Variants in PRKN observed in about 807,000 individuals in gnomAD.
PRKN encodes the protein parkin RBR E3 ubiquitin protein ligase, also known as E3 ubiquitin-protein ligase parkin.
A neutral mutation model predicts 59.5 loss-of-function variants in PRKN; 56 were observed. The ratio of observed to expected loss-of-function variants is 0.94; its 90% CI spans 0.76 to 1.18. The LOEUF is 1.18. Ranked by LOEUF, PRKN falls within the 50% of genes most tolerant of loss-of-function variation. The probability of loss-of-function intolerance (pLI) is 0.00; values close to 1 mark genes in which losing one functional copy is unlikely to be tolerated. For synonymous variants in PRKN, 250 were observed against 222.1 expected (o/e 1.13, Z -1.12); for missense variants, 657 against 596.4 (o/e 1.10, Z -1.06).
intron 2 of PRKN, among the ~76,000 whole-genome samples, chr6:162,301,778 C>CGGGGGGGG (rs71544928): frequency 6.4e-5 from 4 of 62,890 alleles, no homozygotes; most frequent in East Asian, 2.9e-4. Flanking sequence ...ATAAATTGGC[C>CGGGGGGGG]GGGGCGGGGG....
chr6:161,848,967 G>C (rs2128222018), intron 6 of PRKN, among the ~76,000 whole-genome samples: 1 of 152,252 alleles, frequency 6.6e-6, no homozygotes, highest in Non-Finnish European at 1.5e-5. Context: ...TTAACAGGCA[G>C]GGACTGGTTT....
At chr6:162,064,152 G>A (rs549120242) in intron 4 of PRKN, among the ~76,000 whole-genome samples, 16 of 152,164 alleles carry the variant, frequency 1.1e-4, no homozygotes, top group Non-Finnish European at 1.6e-4. Context: ...ACCAAAAGGA[G>A]CTGGCCATAG....
chr6:161,704,906 T>C (rs963290272), intron 7 of PRKN, among the ~76,000 whole-genome samples: 2 of 152,204 alleles, frequency 1.3e-5, no homozygotes, highest in Non-Finnish European at 2.9e-5. Context: ...ATATGTGCTT[T>C]AGAATCTACA....
At chr6:161,678,689 C>T (rs574228528) in intron 7 of PRKN, among the ~76,000 whole-genome samples, 103 of 151,440 alleles carry the variant, frequency 6.8e-4, no homozygotes, top group Non-Finnish European at 1.4e-3. Context: ...CTCAACCTCC[C>T]GAGTAGCTGG....
At chr6:161,851,090 A>G (rs1364214558) in intron 6 of PRKN, among the ~76,000 whole-genome samples, 1 of 152,214 alleles carries the variant, frequency 6.6e-6, no homozygotes, top group African/African-American at 2.4e-5. Context: ...CCCTGATGCA[A>G]CAATGTTGAG....
chr6:161,732,503 G>A (rs1263056186), intron 7 of PRKN, among the ~76,000 whole-genome samples: 1 of 151,380 alleles, frequency 6.6e-6, no homozygotes, highest in East Asian at 1.9e-4. Flanking sequence ...GTGTGTGTGT[G>A]GAGATAATTC....
chr6:161,761,284 C>A, intron 7 of PRKN, among the ~76,000 whole-genome samples: 1 of 152,146 alleles, frequency 6.6e-6, no homozygotes, highest in African/African-American at 2.4e-5. Flanking sequence ...CTTTGTATTT[C>A]TATGACTAGC....
At chr6:162,026,924 G>A (rs1259827968) in intron 5 of PRKN, among the ~76,000 whole-genome samples, 7 of 152,100 alleles carry the variant, frequency 4.6e-5, no homozygotes. Context: ...TATGTGTAAT[G>A]GACTGTACTT....
rs1018404995 is a variant in PRKN, at chr6:162,056,198, T to C, written c.535-2024A>G. 4.9e-4 allele frequency among the ~76,000 whole-genome samples: 72 copies of C among 147,308 alleles called. No homozygotes were observed. The highest frequency in any genetic ancestry group is 1.8e-3 in the African/African-American group (71 of 39,296). On this transcript the variant is annotated intron_variant, in intron 4 of 11. Transcript: ENST00000366898. The surrounding 1 kb of genome is among the most constrained non-coding windows in gnomAD (Gnocchi z 4.9). ...CACATGCATAAACACACCACATATG[T>C]ACATGTGCACATGTATCCCTCACAC...
intron 4 of PRKN, among the ~76,000 whole-genome samples, chr6:162,134,659 C>T (rs1165538331): frequency 6.6e-6 from 1 of 152,098 alleles, no homozygotes; most frequent in East Asian, 1.9e-4. Context: ...AGGATTTGGA[C>T]CTGCTTCTCT....
At chr6:162,113,090 T>C (rs1780511275) in intron 4 of PRKN, among the ~76,000 whole-genome samples, 1 of 152,128 alleles carries the variant, frequency 6.6e-6, no homozygotes, top group Non-Finnish European at 1.5e-5. Flanking sequence ...CCTACAGAAA[T>C]TGTGGACAAA....
intron 6 of PRKN, among the ~76,000 whole-genome samples, chr6:161,898,502 C>T (rs376621660): frequency 5.9e-5 from 9 of 152,174 alleles, no homozygotes; most frequent in East Asian, 5.8e-4. Flanking sequence ...GCTGAGGAAA[C>T]GGAGGCACAT....
intron 7 of PRKN, among the ~76,000 whole-genome samples, chr6:161,700,061 G>T (rs761990532): frequency 6.7e-6 from 1 of 149,984 alleles, no homozygotes; most frequent in African/African-American, 2.5e-5. Flanking sequence ...GCTGTTATAA[G>T]CCCTTTAATC....
chr6:162,396,649 AAGCC>A (rs1787489871), intron 2 of PRKN, among the ~76,000 whole-genome samples: 1 of 152,120 alleles, frequency 6.6e-6, no homozygotes, highest in Non-Finnish European at 1.5e-5. Context: ...TTGTTGTGTA[AAGCC>A]ACTGGAACTA....
In PRKN at chr6:161,554,782, C is replaced by T. The variant is rs1293588974; in HGVS notation, c.934-5779G>A. 6.6e-6 allele frequency among the ~76,000 whole-genome samples: 1 copy of T among 150,506 alleles called. No homozygotes were observed. The highest frequency in any genetic ancestry group is 1.5e-5 in the Non-Finnish European group (1 of 67,702). On this transcript the variant is annotated intron_variant, in intron 8 of 11. Transcript: ENST00000366898. The surrounding 1 kb of genome is among the most constrained non-coding windows in gnomAD (Gnocchi z 4.5). ...TACACACTTATATTTATACATACTT[C>T]CCCCTTGAGTATCTGAAATCTCTTA...
chr6:162,333,634 CT>C (rs1284441649), intron 2 of PRKN, among the ~76,000 whole-genome samples: 5 of 152,198 alleles, frequency 3.3e-5, no homozygotes. Flanking sequence ...GACACTGTCT[CT>C]GTCTTTCTCC....
At chr6:161,642,636 C>T (rs761491291) in intron 7 of PRKN, among the ~76,000 whole-genome samples, 24 of 152,056 alleles carry the variant, frequency 1.6e-4, no homozygotes, top group Non-Finnish European at 2.8e-4. Flanking sequence ...TGGAGGTATA[C>T]ACATACTAAG....
intron 9 of PRKN, among the ~76,000 whole-genome samples, chr6:161,491,435 G>A (rs1255535422): frequency 6.6e-6 from 1 of 152,156 alleles, no homozygotes; most frequent in Non-Finnish European, 1.5e-5. Context: ...CAAAGGGAGA[G>A]GGAGTCTAAG....
chr6:161,868,430 A>G (rs960057980), intron 6 of PRKN, among the ~76,000 whole-genome samples: 1 of 151,852 alleles, frequency 6.6e-6, no homozygotes, highest in African/African-American at 2.4e-5. Context: ...AATACAAAAA[A>G]ATTAGCTGGG....
Sources: gnomAD v4.1 joint callset for allele counts (sites outside exome capture counted in the v4.1 genomes callset) on GRCh38, gnomAD v4.1.1 for gene constraint, Gnocchi (gnomAD v3.1) non-coding constraint, MANE v1.5 for transcripts, NCBI Gene and HGNC (gene_info 2026-07-23, HGNC 2026-07-21) for gene names.